NEGR1: variants seen among roughly 807,000 people sequenced by gnomAD.
NEGR1 encodes the protein neuronal growth regulator 1.
NEGR1 carries 10 observed loss-of-function variants against 40.9 expected under a neutral mutation model. The ratio of observed to expected loss-of-function variants is 0.24; its 90% CI spans 0.15 to 0.42. The LOEUF (loss-of-function observed/expected upper bound fraction) is 0.42, where lower values mean the gene tolerates loss of function less well. Ranked by LOEUF, NEGR1 falls within the 10% of genes least tolerant of loss-of-function variation. The pLI is 1.00. For missense variants in NEGR1, 352 were observed against 438.9 expected (o/e 0.80, Z 1.77); for synonymous variants, 185 against 166.8 (o/e 1.11, Z -0.84).
chr1:71,703,895 T>A (rs1367678776), intron 3 of NEGR1, among the ~76,000 whole-genome samples: 2 of 151,838 alleles, frequency 1.3e-5, no homozygotes, highest in African/African-American at 2.4e-5. Flanking sequence ...AAATAAAGGT[T>A]GAATGGTTTC....
intron 1 of NEGR1, among the ~76,000 whole-genome samples, chr1:72,277,102 CCCT>C (rs1656076894): frequency 6.6e-6 from 1 of 152,112 alleles, no homozygotes; most frequent in Non-Finnish European, 1.5e-5. Context: ...ATGCCCTAGC[CCCT>C]CAATTCATGA....
chr1:71,993,114 G>A (rs1646469702), intron 1 of NEGR1, among the ~76,000 whole-genome samples: 1 of 152,152 alleles, frequency 6.6e-6, no homozygotes, highest in African/African-American at 2.4e-5. Context: ...TCAGCAGGTT[G>A]CTTCATGGCC....
At chr1:71,672,953 T>C (rs1652484346) in intron 4 of NEGR1, among the ~76,000 whole-genome samples, 1 of 152,108 alleles carries the variant, frequency 6.6e-6, no homozygotes, top group South Asian at 2.1e-4. Flanking sequence ...ACTGTATCCA[T>C]GGCCGGGTGC....
At chr1:71,755,564 C>T (rs1160450598) in intron 3 of NEGR1, among the ~76,000 whole-genome samples, 2 of 152,120 alleles carry the variant, frequency 1.3e-5, no homozygotes, top group African/African-American at 4.8e-5. Context: ...CGCTCTCTTC[C>T]CCTCCTCTCA....
At chr1:72,174,862 AG>A (rs1343253893) in intron 1 of NEGR1, among the ~76,000 whole-genome samples, 1 of 152,148 alleles carries the variant, frequency 6.6e-6, no homozygotes, top group Non-Finnish European at 1.5e-5. Context: ...CAAAAAACAC[AG>A]AATTAGAAGT....
At chr1:71,716,581 T>C (rs1654285636) in intron 3 of NEGR1, among the ~76,000 whole-genome samples, 1 of 152,162 alleles carries the variant, frequency 6.6e-6, no homozygotes. Flanking sequence ...CAGTTAAGAA[T>C]TGTGTTGTAA....
intron 2 of NEGR1, among the ~76,000 whole-genome samples, chr1:71,866,857 A>G (rs957905530): frequency 1.7e-4 from 26 of 152,210 alleles, no homozygotes; most frequent in Non-Finnish European, 3.4e-4. Context: ...AAGGTTCTAC[A>G]TCAAAAGCTA....
intron 6 of NEGR1, among the ~76,000 whole-genome samples, chr1:71,485,764 A>C (rs1189238532): frequency 6.6e-6 from 1 of 151,646 alleles, no homozygotes; most frequent in East Asian, 1.9e-4. Context: ...CCATGGCTTT[A>C]TAGCATATTT....
chr1:72,062,933 A>T (rs1647201125), intron 1 of NEGR1, among the ~76,000 whole-genome samples: 1 of 152,012 alleles, frequency 6.6e-6, no homozygotes, highest in Admixed American at 6.6e-5. Flanking sequence ...AGAAGGTAAC[A>T]TGTTAGTACA....
intron 2 of NEGR1, among the ~76,000 whole-genome samples, chr1:71,923,250 A>G (rs1645737184): frequency 6.6e-6 from 1 of 152,068 alleles, no homozygotes; most frequent in African/African-American, 2.4e-5. Flanking sequence ...AGTGGTTCTC[A>G]ACTAGGGGTG....
At chr1:71,803,728 A>T (rs916318486) in intron 2 of NEGR1, among the ~76,000 whole-genome samples, 3 of 151,874 alleles carry the variant, frequency 2.0e-5, no homozygotes, top group Non-Finnish European at 2.9e-5. Context: ...CTTCCTTGAT[A>T]AAAAAAAGTC....
At chr1:71,834,996 T>TGG (rs1557670675) in intron 2 of NEGR1, among the ~76,000 whole-genome samples, 14 of 151,842 alleles carry the variant, frequency 9.2e-5, no homozygotes, top group African/African-American at 3.1e-4. Flanking sequence ...AGCTGGGCAG[T>TGG]TCTGCCAATC....
At chr1:71,504,142 A>C (rs1647016480) in intron 6 of NEGR1, among the ~76,000 whole-genome samples, 1 of 151,780 alleles carries the variant, frequency 6.6e-6, no homozygotes, top group African/African-American at 2.4e-5. Context: ...AAACCTCCAA[A>C]TTAGATCCAG....
At chr1:71,565,122 G>C (rs1648578747) in intron 6 of NEGR1, among the ~76,000 whole-genome samples, 1 of 152,048 alleles carries the variant, frequency 6.6e-6, no homozygotes. Context: ...TAAAATGGTT[G>C]TAAACCAAAC....
intron 1 of NEGR1, among the ~76,000 whole-genome samples, chr1:72,186,394 T>C (rs1652613314): frequency 6.6e-6 from 1 of 151,708 alleles, no homozygotes; most frequent in Non-Finnish European, 1.5e-5. Context: ...AGAGTTTATA[T>C]CTTTAATTAT....
intron 2 of NEGR1, among the ~76,000 whole-genome samples, chr1:71,799,762 G>C (rs1276799336): frequency 1.3e-5 from 2 of 151,938 alleles, no homozygotes; most frequent in Non-Finnish European, 2.9e-5. Context: ...ACCCAGGCTG[G>C]AGTGCAGAGG....
At chr1:71,769,779 A>C (rs1018465107) in intron 3 of NEGR1, among the ~76,000 whole-genome samples, 4 of 152,192 alleles carry the variant, frequency 2.6e-5, no homozygotes, top group Non-Finnish European at 5.9e-5. Flanking sequence ...GAATAAACTA[A>C]TAATCTGTTC....
At chr1:72,257,558 G>T (rs1174026012) in intron 1 of NEGR1, among the ~76,000 whole-genome samples, 1 of 151,984 alleles carries the variant, frequency 6.6e-6, no homozygotes, top group African/African-American at 2.4e-5. Context: ...TATATTTAAA[G>T]ATCTACTTAT....
Position 71,720,506 on chromosome 1 carries a change from T to C in NEGR1, c.536-22367A>G, listed in dbSNP as rs12066271. On this transcript the variant is annotated intron_variant, in intron 3 of 6. Coordinates refer to ENST00000357731, the MANE Select transcript of NEGR1 (RefSeq NM_173808.3). ...ATTCTTTCAGTTGAAGGCATTTTTT[T>C]CCCTAGAAACTCTTCCTTAAAATGA... Among the ~76,000 whole-genome samples the C allele has an allele frequency of 1.4e-3, 211 of 152,280 alleles. 1 individual carries two copies. The highest frequency in any genetic ancestry group is 4.9e-3 in the African/African-American group (203 of 41,574).
Sources: gnomAD v4.1 joint callset for allele counts (sites outside exome capture counted in the v4.1 genomes callset) on GRCh38, gnomAD v4.1.1 for gene constraint, MANE v1.5 for transcripts, NCBI Gene and HGNC (gene_info 2026-07-23, HGNC 2026-07-21) for gene names.